The following SCHIP1 variants were observed in gnomAD, a reference collection of about 807,000 sequenced individuals.
The protein encoded by SCHIP1 is schwannomin-interacting protein 1.
A neutral mutation model predicts 29.7 loss-of-function variants in SCHIP1; 8 were observed. That is an observed-to-expected ratio of 0.27 (90% confidence interval 0.16 to 0.49). The LOEUF is 0.49. SCHIP1 is among the 20% of genes least tolerant of loss of function. The probability of loss-of-function intolerance (pLI) is 0.99; values close to 1 mark genes in which losing one functional copy is unlikely to be tolerated. For missense variants in SCHIP1, 193 were observed against 294.6 expected, an observed-to-expected ratio of 0.66 and a Z score of 2.52; for synonymous variants, 76 against 94.9, an observed-to-expected ratio of 0.80 and a Z score of 1.16.
At chr3:159,608,592 G>A in the SCHIP1 span, among the ~76,000 whole-genome samples, 1 of 152,168 alleles carries the variant, frequency 6.6e-6, no homozygotes, top group Non-Finnish European at 1.5e-5. Context: ...CAGTCAGCCA[G>A]TTAAGTACTT....
the SCHIP1 span, among the ~76,000 whole-genome samples, chr3:159,784,313 A>G: frequency 6.6e-6 from 1 of 151,814 alleles, no homozygotes; most frequent in Non-Finnish European, 1.5e-5. Flanking sequence ...AAAGAGAGAA[A>G]CTCTGTGCCT....
At chr3:159,640,691 A>G in the SCHIP1 span, among the ~76,000 whole-genome samples, 1 of 152,194 alleles carries the variant, frequency 6.6e-6, no homozygotes, top group Non-Finnish European at 1.5e-5. Context: ...GCACAGCGTC[A>G]CAATCAGATA....
chr3:159,283,612 C>A, the SCHIP1 span, among the ~76,000 whole-genome samples: 2 of 151,976 alleles, frequency 1.3e-5, no homozygotes, highest in Admixed American at 6.6e-5. Context: ...CTATTTCCTT[C>A]CTTTTGTTCC....
chr3:159,760,853 C>A, the SCHIP1 span, among the ~76,000 whole-genome samples: 2 of 150,358 alleles, frequency 1.3e-5, no homozygotes, highest in South Asian at 2.1e-4. Flanking sequence ...GAATGTTTGG[C>A]CTATGTCTTG....
At chr3:159,388,276 G>A in the SCHIP1 span, among the ~76,000 whole-genome samples, 30 of 151,964 alleles carry the variant, frequency 2.0e-4, no homozygotes, top group Admixed American at 1.3e-3. Context: ...CAATTGCTTT[G>A]CTATATACCA....
the SCHIP1 span, among the ~76,000 whole-genome samples, chr3:159,368,516 G>A: frequency 1.3e-5 from 2 of 152,172 alleles, no homozygotes; most frequent in East Asian, 1.9e-4. Flanking sequence ...AATGTTGAAC[G>A]AATTACTGAA....
chr3:159,632,025 A>C, the SCHIP1 span, among the ~76,000 whole-genome samples: 3 of 152,176 alleles, frequency 2.0e-5, no homozygotes, highest in Non-Finnish European at 4.4e-5. Context: ...AAGAAAGAAA[A>C]CAAAAAAAAA....
the SCHIP1 span, among the ~76,000 whole-genome samples, chr3:159,466,029 TAGAA>T: frequency 6.6e-6 from 1 of 152,180 alleles, no homozygotes; most frequent in Non-Finnish European, 1.5e-5. Flanking sequence ...AAATAATTCA[TAGAA>T]AGGATTTTTT....
chr3:159,341,997 A>G, the SCHIP1 span, among the ~76,000 whole-genome samples: 1 of 152,250 alleles, frequency 6.6e-6, no homozygotes, highest in Non-Finnish European at 1.5e-5. Flanking sequence ...AAGGGAATAT[A>G]TATAGTTCTT....
chr3:159,337,149 C>G, the SCHIP1 span, among the ~76,000 whole-genome samples: 5 of 150,972 alleles, frequency 3.3e-5, no homozygotes, highest in East Asian at 9.8e-4. Flanking sequence ...TTCAACAACA[C>G]TTCATACTAA....
chr3:159,475,794 C>G, the SCHIP1 span, among the ~76,000 whole-genome samples: 5 of 152,138 alleles, frequency 3.3e-5, no homozygotes, highest in East Asian at 9.7e-4. Flanking sequence ...GGAGTCACTC[C>G]AGTTGGATAT....
the SCHIP1 span, among the ~76,000 whole-genome samples, chr3:159,545,088 A>G: frequency 1.3e-5 from 2 of 152,100 alleles, no homozygotes; most frequent in Non-Finnish European, 2.9e-5. Context: ...CAACACCATG[A>G]AGAGATTGTT....
At chr3:159,573,655 T>A in the SCHIP1 span, among the ~76,000 whole-genome samples, 5 of 152,298 alleles carry the variant, frequency 3.3e-5, no homozygotes, top group East Asian at 9.6e-4. Flanking sequence ...AATATTGGCC[T>A]GCCTTGCTAG....
the SCHIP1 span, among the ~76,000 whole-genome samples, chr3:159,602,506 C>T: frequency 6.6e-6 from 1 of 151,962 alleles, no homozygotes; most frequent in Non-Finnish European, 1.5e-5. Flanking sequence ...GTCAGGAGTT[C>T]GAGACCAGCC....
At chr3:159,806,089 G>A in the SCHIP1 span, among the ~76,000 whole-genome samples, 1 of 152,124 alleles carries the variant, frequency 6.6e-6, no homozygotes, top group Non-Finnish European at 1.5e-5. Context: ...GATTACAGGC[G>A]TGAGCCACCG....
At chr3:159,422,254 T>C in the SCHIP1 span, among the ~76,000 whole-genome samples, 41 of 152,308 alleles carry the variant, frequency 2.7e-4, no homozygotes, top group African/African-American at 9.6e-4. Context: ...TGGAAGCATG[T>C]TACCCACTTA....
the SCHIP1 span, among the ~76,000 whole-genome samples, chr3:159,381,993 G>C: frequency 6.6e-6 from 1 of 152,034 alleles, no homozygotes; most frequent in Non-Finnish European, 1.5e-5. Context: ...CTGGAGAGTT[G>C]AGCTGTAGCC....
chr3:159,593,413 T>C, the SCHIP1 span, among the ~76,000 whole-genome samples: 2,681 of 152,170 alleles, frequency 0.018, 101 homozygotes, highest in African/African-American at 0.062. Context: ...GGAGGTCTGC[T>C]GCACCAACCC....
chr3:159,480,714 G>A, the SCHIP1 span, among the ~76,000 whole-genome samples: 1 of 152,066 alleles, frequency 6.6e-6, no homozygotes, highest in African/African-American at 2.4e-5. Flanking sequence ...TCATTGTGAA[G>A]GTTTGACTCA....
Sources: allele counts gnomAD v4.1 joint callset (sites outside exome capture counted in the v4.1 genomes callset), GRCh38; gene constraint gnomAD v4.1.1; transcripts MANE v1.5; gene names NCBI Gene and HGNC (gene_info 2026-07-23, HGNC 2026-07-21).